Variants in CACNB4 observed in about 807,000 individuals in gnomAD.
CACNB4 encodes the protein voltage-dependent L-type calcium channel subunit beta-4.
Under a neutral mutation model 71.2 loss-of-function variants are expected in CACNB4, and 32 were observed. That is an observed-to-expected ratio of 0.45 (90% CI 0.34 to 0.60). The LOEUF is 0.60. Ranked by LOEUF, CACNB4 falls within the 20% of genes least tolerant of loss-of-function variation. CACNB4 has a pLI of 0.01. For synonymous variants in CACNB4, 231 were observed against 236.9 expected, an observed-to-expected ratio of 0.97 and a Z score of 0.23; for missense variants, 464 against 647.9, an observed-to-expected ratio of 0.72 and a Z score of 3.08.
intron 2 of CACNB4, among the ~76,000 whole-genome samples, chr2:151,950,315 C>T (rs1466583882): frequency 6.6e-6 from 1 of 152,184 alleles, no homozygotes; most frequent in Admixed American, 6.5e-5. Flanking sequence ...TCTATAGAGA[C>T]AGTCATATGT....
intron 2 of CACNB4, chr2:151,969,851 T>A (rs191411837): frequency 6.6e-6 from 1 of 152,356 alleles, no homozygotes; most frequent in South Asian, 2.1e-4. Context: ...AACTTTTACA[T>A]ACATAAAATT....
chr2:151,983,675 T>TCACA (rs1553803380), intron 2 of CACNB4, among the ~76,000 whole-genome samples: 2,375 of 141,510 alleles, frequency 0.017, 45 homozygotes, highest in African/African-American at 0.04. Context: ...TAAACTTTGG[T>TCACA]CACACACACA....
chr2:152,061,650 A>T (rs1686022299), intron 2 of CACNB4, among the ~76,000 whole-genome samples: 1 of 151,912 alleles, frequency 6.6e-6, no homozygotes, highest in Non-Finnish European at 1.5e-5. Context: ...GCAAAAAAAA[A>T]AAAAAGTTAT....
intron 2 of CACNB4, among the ~76,000 whole-genome samples, chr2:151,931,115 A>C (rs1233808278): frequency 2.0e-5 from 3 of 152,198 alleles, no homozygotes. Flanking sequence ...CATCAGTTAA[A>C]ATATATAAAC....
intron 2 of CACNB4, among the ~76,000 whole-genome samples, chr2:151,995,304 C>A (rs1179636358): frequency 1.3e-5 from 2 of 151,776 alleles, no homozygotes; most frequent in African/African-American, 2.4e-5. Context: ...AAAGTCATTA[C>A]AAGGTAAAAT....
chr2:151,959,508 A>T (rs1478038817), intron 2 of CACNB4, among the ~76,000 whole-genome samples: 2 of 152,354 alleles, frequency 1.3e-5, no homozygotes, highest in East Asian at 3.9e-4. Flanking sequence ...TTTGAAAGCC[A>T]GCTTCTCTAT....
intron 12 of CACNB4, among the ~76,000 whole-genome samples, chr2:151,848,880 A>G (rs2099838290): frequency 6.6e-6 from 1 of 152,218 alleles, no homozygotes; most frequent in Non-Finnish European, 1.5e-5. Flanking sequence ...GGCCTTCTTA[A>G]AAAACATACT....
chr2:151,915,648 G>A (rs768484884), intron 2 of CACNB4, among the ~76,000 whole-genome samples: 12 of 152,106 alleles, frequency 7.9e-5, no homozygotes, highest in Non-Finnish European at 1.8e-4. Context: ...CTCGAGACCA[G>A]CCTGGCCAAC....
chr2:151,928,716 G>C (rs2099860883), intron 2 of CACNB4, among the ~76,000 whole-genome samples: 1 of 152,048 alleles, frequency 6.6e-6, no homozygotes, highest in Non-Finnish European at 1.5e-5. Flanking sequence ...TTTGAGTTCA[G>C]GAGTTTGAGA....
At chr2:152,076,533 A>T (rs1687037687) in intron 2 of CACNB4, among the ~76,000 whole-genome samples, 1 of 152,080 alleles carries the variant, frequency 6.6e-6, no homozygotes, top group South Asian at 2.1e-4. Context: ...GTCCATGGAC[A>T]TCTCTTTACA....
At chr2:151,992,475 T>C (rs1261000290) in intron 2 of CACNB4, among the ~76,000 whole-genome samples, 10 of 152,250 alleles carry the variant, frequency 6.6e-5, no homozygotes, top group Non-Finnish European at 4.4e-5. Context: ...GGGACGTTGT[T>C]AGCATGTAAC....
intron 9 of CACNB4, chr2:151,866,443 T>C (rs894149902): frequency 6.6e-6 from 1 of 152,260 alleles, no homozygotes; most frequent in African/African-American, 2.4e-5. Context: ...GCCGTGTCAC[T>C]GTGCTAAAGC....
At chr2:151,983,310 T>C (rs1050245709) in intron 2 of CACNB4, among the ~76,000 whole-genome samples, 1 of 152,220 alleles carries the variant, frequency 6.6e-6, no homozygotes, top group Non-Finnish European at 1.5e-5. Flanking sequence ...TAATTCCTCA[T>C]GAAGATTTGG....
At chr2:152,016,572 T>A (rs561953892) in intron 2 of CACNB4, among the ~76,000 whole-genome samples, 2 of 152,334 alleles carry the variant, frequency 1.3e-5, no homozygotes, top group African/African-American at 2.4e-5. Context: ...GACAGTGATA[T>A]TCCTTTGAAT....
At chr2:152,000,118 A>C (rs1579101808) in intron 2 of CACNB4, among the ~76,000 whole-genome samples, 1 of 152,342 alleles carries the variant, frequency 6.6e-6, no homozygotes, top group Non-Finnish European at 1.5e-5. Flanking sequence ...TTCAACAATG[A>C]TGCTCATTTG....
At chr2:152,052,579 C>A (rs1054021281) in intron 2 of CACNB4, among the ~76,000 whole-genome samples, 2 of 152,214 alleles carry the variant, frequency 1.3e-5, no homozygotes, top group Non-Finnish European at 2.9e-5. Context: ...CATGCATGAG[C>A]CACCACACCT....
intron 2 of CACNB4, among the ~76,000 whole-genome samples, chr2:151,943,468 G>A (rs571939902): frequency 3.3e-5 from 5 of 152,186 alleles, no homozygotes; most frequent in African/African-American, 7.2e-5. Context: ...CTAAAATGTT[G>A]GCCAGATTGG....
Position 151,838,952 on chromosome 2 carries a change from C to G in CACNB4, c.*167G>C. 1 of 557,624 alleles carries G rather than the reference C, an allele frequency of 1.8e-6. No homozygotes were observed. The highest frequency in any genetic ancestry group is 3.2e-6 in the Non-Finnish European group (1 of 314,910). 34.5% of individuals were successfully genotyped at this position (557,624 alleles called of 1,614,324 possible). ...CGGGCATCTAATATCCATCTAGACTCAAGGGCATAATGTAATTTTTTTTTT... is the reference window on the plus strand; with the variant it reads ...CGGGCATCTAATATCCATCTAGACTGAAGGGCATAATGTAATTTTTTTTTT... On this transcript the variant is annotated 3_prime_UTR_variant, in exon 14 of 14. Transcript: ENST00000539935.
At chr2:151,996,500 T>C (rs967814331) in intron 2 of CACNB4, among the ~76,000 whole-genome samples, 1 of 147,434 alleles carries the variant, frequency 6.8e-6, no homozygotes, top group African/African-American at 2.5e-5. Context: ...AAAAAAAGAA[T>C]AGAGAACTCA....
Sources: gnomAD v4.1 joint callset for allele counts (sites outside exome capture counted in the v4.1 genomes callset) on GRCh38, gnomAD v4.1.1 for gene constraint, MANE v1.5 for transcripts, NCBI Gene and HGNC (gene_info 2026-07-23, HGNC 2026-07-21) for gene names.